Variants in CLVS1 observed in about 807,000 individuals in gnomAD.
The protein encoded by CLVS1 is clavesin-1.
Under a neutral mutation model 33.1 loss-of-function variants are expected in CLVS1, and 10 were observed. The ratio of observed to expected loss-of-function variants is 0.30; its 90% CI spans 0.19 to 0.51. The LOEUF is 0.51. CLVS1 is among the 20% of genes least tolerant of loss of function. The pLI is 0.97. For synonymous variants in CLVS1, 163 were observed against 166.1 expected (o/e 0.98, Z 0.14); for missense variants, 343 against 433.4 (o/e 0.79, Z 1.85).
rs571879600 is a variant in CLVS1 at position 61,225,135 on chromosome 8, G to A, written c.-151-74542G>A. Among the ~76,000 whole-genome samples, 6 of 152,136 alleles carry A rather than the reference G, an allele frequency of 3.9e-5. No homozygotes were observed. The South Asian group carries it at 1.2e-3, about 32-fold the overall frequency. On this transcript the variant is annotated intron_variant, in intron 2 of 2. Transcript: ENST00000522621. ...AGTTTGAGACCAGCCCGACCAACATGGTGAAGCCCCATTTCTACTAAAAAT... is the reference window on the plus strand; with the variant it reads ...AGTTTGAGACCAGCCCGACCAACATAGTGAAGCCCCATTTCTACTAAAAAT...
the CLVS1 span, among the ~76,000 whole-genome samples, chr8:61,042,504 A>G: frequency 2.2e-4 from 23 of 104,080 alleles, no homozygotes; most frequent in East Asian, 5.6e-3. Context: ...TTCAAGAACA[A>G]GGCAGATTTG....
In CLVS1 at chr8:61,429,251, C is replaced by T. The variant is rs187662482; in HGVS notation, c.631-24890C>T. Among the ~76,000 whole-genome samples the T allele has an allele frequency of 3.1e-3, 468 of 151,992 alleles. 1 individual carries two copies. Among genetic ancestry groups the T allele is most frequent in the South Asian group, 0.021 (102 of 4,804 alleles). On this transcript the variant is annotated intron_variant, in intron 3 of 5. Coordinates refer to ENST00000325897, the MANE Select transcript of CLVS1 (RefSeq NM_173519.3). ...CCTGGCCAACATGGTGAAACCCTGT[C>T]TCTACTAAAAATACAAAAATTAGCT...
At chr8:61,218,857 C>A (rs1808148799) in intron 2 of CLVS1, among the ~76,000 whole-genome samples, 1 of 151,488 alleles carries the variant, frequency 6.6e-6, no homozygotes, top group South Asian at 2.1e-4. Context: ...GGCAGGATAA[C>A]CGCTTGAACC....
At chr8:61,202,835 A>G (rs1807763602) in intron 2 of CLVS1, 3 of 1,034,254 alleles carry the variant, frequency 2.9e-6, no homozygotes, top group Non-Finnish European at 4.5e-6. Flanking sequence ...GCTGCTGATG[A>G]AGATGATGAT....
intron 5 of CLVS1, among the ~76,000 whole-genome samples, chr8:61,461,762 G>T (rs902007999): frequency 1.3e-5 from 2 of 152,108 alleles, no homozygotes; most frequent in Admixed American, 6.6e-5. Flanking sequence ...TGTAGTTGGT[G>T]GGTATGTGCC....
At chr8:61,132,606 CT>C (rs1806121143) in intron 2 of CLVS1, among the ~76,000 whole-genome samples, 1 of 152,200 alleles carries the variant, frequency 6.6e-6, no homozygotes, top group Non-Finnish European at 1.5e-5. Context: ...GGCATTTCCC[CT>C]TCTGTGTGGC....
intron 1 of CLVS1, among the ~76,000 whole-genome samples, chr8:61,127,031 G>C (rs1805987306): frequency 6.6e-6 from 1 of 152,124 alleles, no homozygotes; most frequent in Non-Finnish European, 1.5e-5. Flanking sequence ...GTCTTGGAAG[G>C]GGCACAGTGA....
At chr8:61,109,143 A>G (rs964933108) in intron 1 of CLVS1, among the ~76,000 whole-genome samples, 1 of 152,234 alleles carries the variant, frequency 6.6e-6, no homozygotes, top group African/African-American at 2.4e-5. Flanking sequence ...GCTGCTATGC[A>G]TTCTGGCTGG....
chr8:61,248,672 A>G (rs1324271669), intron 2 of CLVS1, among the ~76,000 whole-genome samples: 1 of 152,054 alleles, frequency 6.6e-6, no homozygotes, highest in East Asian at 1.9e-4. Flanking sequence ...GACAGTATGT[A>G]CAATGTAAGT....
At chr8:61,103,592 CA>C (rs1205433456) in intron 1 of CLVS1, among the ~76,000 whole-genome samples, 1 of 152,142 alleles carries the variant, frequency 6.6e-6, no homozygotes, top group Non-Finnish European at 1.5e-5. Flanking sequence ...TCTGGAATAA[CA>C]AAAGGAAAAC....
chr8:61,069,070 G>A (rs1298214201), intron 1 of CLVS1, among the ~76,000 whole-genome samples: 1 of 152,076 alleles, frequency 6.6e-6, no homozygotes, highest in Non-Finnish European at 1.5e-5. Context: ...AAGTTCAAGT[G>A]ATTCTCCTGC....
chr8:61,146,816 A>G (rs566763951), intron 2 of CLVS1, among the ~76,000 whole-genome samples: 4 of 152,284 alleles, frequency 2.6e-5, no homozygotes, highest in Non-Finnish European at 5.9e-5. Context: ...GTCTGCATCC[A>G]TACACATGTA....
chr8:61,396,673 A>G (rs1814540367), intron 3 of CLVS1, among the ~76,000 whole-genome samples: 1 of 152,180 alleles, frequency 6.6e-6, no homozygotes, highest in Non-Finnish European at 1.5e-5. Flanking sequence ...ATAACCACTA[A>G]CAATCATTCT....
chr8:61,280,497 T>C (rs1397454274), intron 2 of CLVS1, among the ~76,000 whole-genome samples: 1 of 152,222 alleles, frequency 6.6e-6, no homozygotes, highest in Non-Finnish European at 1.5e-5. Context: ...AGATGTGGGT[T>C]ACAATCCCAG....
chr8:61,376,932 T>A, intron 3 of CLVS1, 153 bp downstream of exon 3: 1 of 579,924 alleles, frequency 1.7e-6, no homozygotes, highest in South Asian at 3.7e-5. Context: ...TCAGCCAGAG[T>A]TTTAGATGCT....
At chr8:61,286,266 TG>T (rs1200140293), upstream of CLVS1, among the ~76,000 whole-genome samples, 1 of 152,152 alleles carries the variant, frequency 6.6e-6, no homozygotes, top group Non-Finnish European at 1.5e-5. Context: ...CCTGCCCATA[TG>T]TAATAGGGCT....
chr8:61,370,549 C>T (rs968702543), intron 2 of CLVS1: 5 of 152,318 alleles, frequency 3.3e-5, no homozygotes, highest in Non-Finnish European at 7.3e-5. Flanking sequence ...GACGCCACGT[C>T]AGGCTAATTT....
At chr8:61,122,687 A>C (rs1449059388) in intron 1 of CLVS1, among the ~76,000 whole-genome samples, 1 of 152,156 alleles carries the variant, frequency 6.6e-6, no homozygotes, top group Non-Finnish European at 1.5e-5. Flanking sequence ...GAGCATCATG[A>C]AAGTGATAAA....
intron 3 of CLVS1, among the ~76,000 whole-genome samples, chr8:61,437,547 A>C (rs1816378344): frequency 6.6e-6 from 1 of 152,216 alleles, no homozygotes; most frequent in Non-Finnish European, 1.5e-5. Flanking sequence ...TCTCCTACAG[A>C]ATAAGGCAAT....
Sources: gnomAD v4.1 joint callset for allele counts (sites outside exome capture counted in the v4.1 genomes callset) on GRCh38, gnomAD v4.1.1 for gene constraint, MANE v1.5 for transcripts, NCBI Gene and HGNC (gene_info 2026-07-23, HGNC 2026-07-21) for gene names.